The following TRIM33 variants were observed in gnomAD, a reference collection of about 807,000 sequenced individuals.
TRIM33 encodes the protein tripartite motif containing 33.
A neutral mutation model predicts 125.4 loss-of-function variants in TRIM33; 20 were observed. The ratio of observed to expected loss-of-function variants is 0.16; its 90% CI spans 0.11 to 0.23. TRIM33 has a LOEUF of 0.23. Among genes scored for constraint, TRIM33 ranks in the 10% least tolerant of loss-of-function variants. The pLI is 1.00. For synonymous variants in TRIM33, 564 were observed against 513.9 expected (o/e 1.10, Z -1.32); for missense variants, 920 against 1,411.4 (o/e 0.65, Z 5.58).
intron 1 of TRIM33, among the ~76,000 whole-genome samples, chr1:114,487,086 CA>C (rs60855013): frequency 0.015 from 1,717 of 118,330 alleles, 10 homozygotes; most frequent in Non-Finnish European, 0.022. Flanking sequence ...GACTCTGTCT[CA>C]AAAAAAAAAA....
chr1:114,477,487 C>G (rs759615572), intron 1 of TRIM33, among the ~76,000 whole-genome samples: 2 of 152,188 alleles, frequency 1.3e-5, no homozygotes, highest in Non-Finnish European at 2.9e-5. Flanking sequence ...CCCTTCAGAG[C>G]TGTTAATTCC....
intron 1 of TRIM33, among the ~76,000 whole-genome samples, chr1:114,503,587 TTTGAAATG>T (rs1281647774): frequency 3.3e-5 from 5 of 152,228 alleles, no homozygotes; most frequent in Non-Finnish European, 7.3e-5. Context: ...TACGCAGATC[TTTGAAATG>T]TTGACATTAC....
chr1:114,483,486 A>T (rs1417756734), intron 1 of TRIM33, among the ~76,000 whole-genome samples: 2 of 150,794 alleles, frequency 1.3e-5, no homozygotes, highest in East Asian at 1.9e-4. Context: ...GCATGATCTC[A>T]CTGCAACCTC....
In TRIM33 at chr1:114,415,063, C is replaced by T. The variant is rs561350214; in HGVS notation, c.2062-4747G>A. ...AGGCTGGAGTGCAGTGGCACGATCA[C>T]GGCTCACTGCAACCTTGATCCCCTG... is the stretch of plus-strand genomic sequence containing the variant. On this transcript the variant is annotated intron_variant, in intron 11 of 19. Coordinates refer to ENST00000358465, the MANE Select transcript of TRIM33 (RefSeq NM_015906.4). 4.2e-5 allele frequency among the ~76,000 whole-genome samples: 6 copies of T among 141,870 alleles called. No individual in the cohort carries two copies. The East Asian group carries it at 1.2e-3, about 29-fold the overall frequency. The allele number at this position is 141,870 out of a possible 152,430, so 93.1% of individuals were successfully genotyped here. A position where few individuals can be genotyped will look rare whatever the true frequency, so the allele number is the denominator to read the frequency against.
rs1231425016 is a variant in TRIM33, at chr1:114,395,629, G to A, written c.*2019C>T. ...ATCATGGATTTTGTGAAAAAAGAGG[G>A]AAATTGGCATAGGCATAAGTATTTT... On this transcript the variant is annotated 3_prime_UTR_variant, in exon 20 of 20. Coordinates refer to ENST00000358465, the MANE Select transcript of TRIM33 (RefSeq NM_015906.4). 3 of 198,114 alleles carry A rather than the reference G, an allele frequency of 1.5e-5. No homozygotes were observed. Among genetic ancestry groups the A allele is most frequent in the East Asian group, 1.6e-4 (2 of 12,684 alleles). 12.3% of individuals were successfully genotyped at this position (198,114 alleles called of 1,614,324 possible). A position where few individuals can be genotyped will look rare whatever the true frequency, so the allele number is the denominator to read the frequency against.
intron 1 of TRIM33, among the ~76,000 whole-genome samples, chr1:114,495,544 CAT>C (rs904100159): frequency 6.6e-6 from 1 of 151,994 alleles, no homozygotes; most frequent in East Asian, 1.9e-4. Context: ...TAAGATAAAA[CAT>C]AACAAAATAT....
chr1:114,452,950 A>G (rs1649404198), intron 4 of TRIM33, among the ~76,000 whole-genome samples: 1 of 152,056 alleles, frequency 6.6e-6, no homozygotes, highest in Non-Finnish European at 1.5e-5. Flanking sequence ...GACTGACTCA[A>G]TAAGCGTATA....
chr1:114,422,718 C>T (rs1049245288), intron 10 of TRIM33, among the ~76,000 whole-genome samples: 2 of 151,234 alleles, frequency 1.3e-5, no homozygotes, highest in Non-Finnish European at 2.9e-5. Flanking sequence ...TGTCTGACTC[C>T]AAAACCTGGG....
At chr1:114,475,947 C>G (rs1045906601) in intron 1 of TRIM33, among the ~76,000 whole-genome samples, 1 of 151,932 alleles carries the variant, frequency 6.6e-6, no homozygotes, top group Admixed American at 6.6e-5. Flanking sequence ...CTGCAGTTAG[C>G]CATGTTCACA....
At chr1:114,452,249 C>T (rs1232586083) in intron 4 of TRIM33, among the ~76,000 whole-genome samples, 2 of 151,960 alleles carry the variant, frequency 1.3e-5, no homozygotes, top group African/African-American at 4.8e-5. Flanking sequence ...ATCACGAGGT[C>T]GAGAGATTGA....
rs1159559620 is a variant in TRIM33, at chr1:114,494,945, A to T, written c.526+15606T>A. Reference sequence around the variant, plus strand: ...GTTGTTGTTATTGTTAGGCAGTCTCACTCTCTTGCCCAGGCTGGAGTGCAA... The same window carrying T: ...GTTGTTGTTATTGTTAGGCAGTCTCTCTCTCTTGCCCAGGCTGGAGTGCAA... On this transcript the variant is annotated intron_variant, in intron 1 of 19. Transcript: ENST00000358465. Among the ~76,000 whole-genome samples the T allele has an allele frequency of 2.6e-5, 4 of 151,988 alleles. No homozygotes were observed. The East Asian group carries it at 7.7e-4, about 29-fold the overall frequency.
intron 11 of TRIM33, among the ~76,000 whole-genome samples, chr1:114,415,032 T>C (rs1652849595): frequency 7.0e-6 from 1 of 143,698 alleles, no homozygotes; most frequent in Non-Finnish European, 1.5e-5. Flanking sequence ...TCTCACTCTG[T>C]TGCCCAGGCT....
intron 1 of TRIM33, among the ~76,000 whole-genome samples, chr1:114,472,567 T>C (rs1321938973): frequency 6.6e-6 from 1 of 152,014 alleles, no homozygotes; most frequent in Non-Finnish European, 1.5e-5. Context: ...ACCCTGTCTC[T>C]ACAAAAATAA....
chr1:114,400,162 T>A (rs1193233153), intron 17 of TRIM33, among the ~76,000 whole-genome samples: 1 of 152,172 alleles, frequency 6.6e-6, no homozygotes, highest in Non-Finnish European at 1.5e-5. Context: ...TTTCTACCCT[T>A]GGGATAAAAG....
chr1:114,483,880 A>G (rs538568918), intron 1 of TRIM33, among the ~76,000 whole-genome samples: 5 of 152,190 alleles, frequency 3.3e-5, no homozygotes, highest in Non-Finnish European at 7.3e-5. Flanking sequence ...AAAACTACAG[A>G]CTGAGGAGTA....
chr1:114,449,667 A>C, intron 4 of TRIM33, among the ~76,000 whole-genome samples: 1 of 131,890 alleles, frequency 7.6e-6, no homozygotes, highest in South Asian at 2.4e-4. Flanking sequence ...GTGTGGTCTT[A>C]AAAGTGACTA....
intron 11 of TRIM33, among the ~76,000 whole-genome samples, chr1:114,417,257 T>C (rs1478711748): frequency 1.3e-5 from 2 of 152,140 alleles, no homozygotes; most frequent in Non-Finnish European, 2.9e-5. Flanking sequence ...ATGAAAATAT[T>C]CTTGAATTAG....
chr1:114,510,455 C>CCTG, intron 1 of TRIM33, 96 bp downstream of exon 1: 1 of 1,219,306 alleles, frequency 8.2e-7, no homozygotes, highest in Non-Finnish European at 1.1e-6. Context: ...TGGCGCCCGT[C>CCTG]CGAGCAGCCC....
At chr1:114,507,256 G>A (rs537154148) in intron 1 of TRIM33, among the ~76,000 whole-genome samples, 3 of 152,206 alleles carry the variant, frequency 2.0e-5, no homozygotes, top group Admixed American at 1.3e-4. Flanking sequence ...CTTGTTAAAC[G>A]AGACTACTGG....
Sources: allele counts gnomAD v4.1 joint callset (sites outside exome capture counted in the v4.1 genomes callset), GRCh38; gene constraint gnomAD v4.1.1; transcripts MANE v1.5; gene names NCBI Gene and HGNC (gene_info 2026-07-23, HGNC 2026-07-21).